Variants in ADGRL3 observed in about 807,000 individuals in gnomAD.
The protein encoded by ADGRL3 is adhesion G protein-coupled receptor L3.
In ADGRL3, 62 loss-of-function variants were observed where a neutral mutation model predicts 153.5. The ratio of observed to expected loss-of-function variants is 0.40; its 90% CI spans 0.33 to 0.50. The LOEUF (loss-of-function observed/expected upper bound fraction) is 0.50, where lower values mean the gene tolerates loss of function less well. Among genes scored for constraint, ADGRL3 ranks in the 20% least tolerant of loss-of-function variants. ADGRL3 has a pLI of 0.47. For synonymous variants in ADGRL3, 710 were observed against 672.5 expected, an observed-to-expected ratio of 1.06 and a Z score of -0.86; for missense variants, 1,641 against 1,859.4, an observed-to-expected ratio of 0.88 and a Z score of 2.16.
At chr4:61,523,385 T>G (rs1293564787) in intron 4 of ADGRL3, among the ~76,000 whole-genome samples, 1 of 152,142 alleles carries the variant, frequency 6.6e-6, no homozygotes, top group Non-Finnish European at 1.5e-5. Context: ...TTTAGAGTGC[T>G]GTGTTAGCTG....
At position 62,070,795 on chromosome 4, in the gene ADGRL3, T is replaced by TA. The variant is rs754623586; in HGVS notation, c.4520dup (p.Tyr1507Ter). 1.9e-6 allele frequency: 3 copies of TA among 1,551,652 alleles called. 1 individual carries two copies. In the South Asian group the frequency reaches 3.6e-5, roughly 18 times the overall value. ...SRNHVHQLHT[Y>*]YQLGRGSSDG... is the part of the protein sequence containing the mutation. ...AAACCACGTCCATCAGCTGCATACTTACTACCAGCTAGGTCGCGGCAGCAG... is the reference window on the plus strand; with the variant it reads ...AAACCACGTCCATCAGCTGCATACTTAACTACCAGCTAGGTCGCGGCAGCAG... The change falls in exon 27 of 27, where the codon TAC becomes TAAC. Residue 1507 changes from tyrosine to a stop codon, truncating the protein, a stop_gained and frameshift_variant. Transcript: ENST00000683033. LOFTEE classifies it high-confidence loss of function.
chr4:61,934,540 T>C (rs2098830353), intron 13 of ADGRL3, among the ~76,000 whole-genome samples: 1 of 152,218 alleles, frequency 6.6e-6, no homozygotes, highest in Non-Finnish European at 1.5e-5. Context: ...AATAATTTAA[T>C]TATGTGATCA....
intron 23 of ADGRL3, among the ~76,000 whole-genome samples, chr4:62,035,846 T>A (rs1267639636): frequency 6.6e-6 from 1 of 152,142 alleles, no homozygotes; most frequent in Non-Finnish European, 1.5e-5. Flanking sequence ...TTACTCTCAT[T>A]GCTTAACCCA....
chr4:62,049,758 T>C (rs1030970765), intron 25 of ADGRL3, among the ~76,000 whole-genome samples: 2 of 152,096 alleles, frequency 1.3e-5, no homozygotes, highest in Non-Finnish European at 2.9e-5. Flanking sequence ...GACCTACTCA[T>C]TTTAGTTTTG....
At chr4:61,254,799 C>G (rs2149482884) in intron 1 of ADGRL3, among the ~76,000 whole-genome samples, 1 of 152,258 alleles carries the variant, frequency 6.6e-6, no homozygotes, top group East Asian at 1.9e-4. Flanking sequence ...GTTATCTGCA[C>G]ACTCGAAACT....
intron 1 of ADGRL3, among the ~76,000 whole-genome samples, chr4:61,280,033 A>G (rs1196496149): frequency 6.6e-6 from 1 of 152,078 alleles, no homozygotes. Flanking sequence ...GTTGACACTA[A>G]TAGAGGAGAT....
intron 1 of ADGRL3, among the ~76,000 whole-genome samples, chr4:61,314,095 A>G (rs2095115660): frequency 6.6e-6 from 1 of 152,204 alleles, no homozygotes; most frequent in Non-Finnish European, 1.5e-5. Flanking sequence ...TTAATGGAAT[A>G]ACATTGAACA....
At chr4:61,861,609 C>A (rs972469109) in intron 9 of ADGRL3, among the ~76,000 whole-genome samples, 1 of 151,690 alleles carries the variant, frequency 6.6e-6, no homozygotes, top group Non-Finnish European at 1.5e-5. Context: ...CTGCTCATGA[C>A]AAGAATTCAT....
intron 17 of ADGRL3, among the ~76,000 whole-genome samples, chr4:61,963,409 C>T (rs1248479102): frequency 6.6e-6 from 1 of 151,826 alleles, no homozygotes; most frequent in Non-Finnish European, 1.5e-5. Flanking sequence ...GTCCTCACCC[C>T]CTCCCACCCT....
chr4:61,601,102 C>T (rs1481498121), intron 5 of ADGRL3, among the ~76,000 whole-genome samples: 1 of 152,112 alleles, frequency 6.6e-6, no homozygotes, highest in Admixed American at 6.5e-5. Flanking sequence ...CCTTCCTTTA[C>T]ATTTCTATAT....
chr4:62,052,785 A>G (rs978941322), intron 25 of ADGRL3, among the ~76,000 whole-genome samples: 5 of 151,418 alleles, frequency 3.3e-5, no homozygotes, highest in African/African-American at 7.2e-5. Context: ...TAAAAAAGAT[A>G]TAGCTTTTCC....
At chr4:61,973,345 G>C (rs1436037910) in intron 17 of ADGRL3, among the ~76,000 whole-genome samples, 2 of 151,962 alleles carry the variant, frequency 1.3e-5, no homozygotes, top group Non-Finnish European at 2.9e-5. Flanking sequence ...CATTGTGTAA[G>C]CCGTCCTTTC....
intron 5 of ADGRL3, among the ~76,000 whole-genome samples, chr4:61,635,920 G>A (rs568745901): frequency 1.3e-5 from 2 of 152,066 alleles, no homozygotes; most frequent in East Asian, 3.9e-4. Flanking sequence ...TACCATATTT[G>A]TGTATCACTG....
rs566679088 is a variant in ADGRL3 at position 61,637,856 on chromosome 4, G to A, written c.474-38970G>A. Among the ~76,000 whole-genome samples the A allele has an allele frequency of 5.9e-5, 9 of 152,112 alleles. No individual in the cohort carries two copies. In the South Asian group the frequency reaches 1.9e-3, roughly 32 times the overall value. On this transcript the variant is annotated intron_variant, in intron 5 of 26. Transcript: ENST00000683033. ...AAACAAGGCAAAAAGAAGGAACAAA[G>A]AAACAAAATACAGATTGTCTGAGAT...
chr4:61,261,517 G>A (rs912068545), intron 1 of ADGRL3, among the ~76,000 whole-genome samples: 2 of 152,038 alleles, frequency 1.3e-5, no homozygotes, highest in African/African-American at 4.8e-5. Flanking sequence ...CATTAATGCT[G>A]AACCCACGGA....
intron 2 of ADGRL3, among the ~76,000 whole-genome samples, chr4:61,421,773 T>C (rs1045043848): frequency 1.3e-5 from 2 of 152,168 alleles, no homozygotes; most frequent in Non-Finnish European, 2.9e-5. Context: ...TAATGACAGA[T>C]AGTTCTATGG....
At chr4:61,755,355 T>G (rs7686832) in intron 8 of ADGRL3, among the ~76,000 whole-genome samples, 12,997 of 152,030 alleles carry the variant, frequency 0.085, 1,095 homozygotes, top group African/African-American at 0.23. Flanking sequence ...TGATTTGCAT[T>G]TCTCTGATGG....
At chr4:62,051,168 G>GTGTA (rs1206315599) in intron 25 of ADGRL3, among the ~76,000 whole-genome samples, 17 of 139,164 alleles carry the variant, frequency 1.2e-4, no homozygotes, top group Non-Finnish European at 1.5e-4. Context: ...GTGTGTGTGT[G>GTGTA]TATATATATA....
chr4:61,572,786 G>A (rs1250397460), intron 4 of ADGRL3, among the ~76,000 whole-genome samples: 3 of 151,854 alleles, frequency 2.0e-5, no homozygotes, highest in Non-Finnish European at 4.4e-5. Context: ...TTTGTGTCAT[G>A]CAAAATTAAG....
Sources: gnomAD v4.1 joint callset for allele counts (sites outside exome capture counted in the v4.1 genomes callset) on GRCh38, gnomAD v4.1.1 for gene constraint, MANE v1.5 for transcripts, NCBI Gene and HGNC (gene_info 2026-07-23, HGNC 2026-07-21) for gene names.